The following LRPPRC variants were observed in gnomAD, a reference collection of about 807,000 sequenced individuals.
LRPPRC encodes the protein leucine rich pentatricopeptide repeat containing, also known as leucine-rich PPR motif-containing protein, mitochondrial.
A neutral mutation model predicts 180.3 loss-of-function variants in LRPPRC; 120 were observed. The observed-to-expected ratio is 0.67, with a 90% CI of 0.57 to 0.77. The LOEUF (loss-of-function observed/expected upper bound fraction) is 0.77, where lower values mean the gene tolerates loss of function less well. Among genes scored for constraint, LRPPRC ranks in the 30% least tolerant of loss-of-function variants. The pLI is 0.00. For synonymous variants in LRPPRC, 723 were observed against 600.0 expected, an observed-to-expected ratio of 1.21 and a Z score of -3.00; for missense variants, 2,012 against 1,657.2, an observed-to-expected ratio of 1.21 and a Z score of -3.72.
chr2:43,919,519 T>C (rs1671621590), intron 27 of LRPPRC, among the ~76,000 whole-genome samples: 1 of 152,204 alleles, frequency 6.6e-6, no homozygotes, highest in Non-Finnish European at 1.5e-5. Flanking sequence ...CTGATAATGT[T>C]ATCAGACTAT....
chr2:43,949,552 A>C (rs1453485712), intron 16 of LRPPRC, 50 bp downstream of exon 16: 1 of 1,436,140 alleles, frequency 7.0e-7, no homozygotes. Flanking sequence ...ATCATTACAC[A>C]GAAAAATGGA....
intron 27 of LRPPRC, among the ~76,000 whole-genome samples, chr2:43,919,316 G>T (rs894651242): frequency 6.6e-6 from 1 of 152,116 alleles, no homozygotes; most frequent in African/African-American, 2.4e-5. Flanking sequence ...AAAGGTTGGG[G>T]GCTGCTGCCG....
At chr2:43,970,011 T>A (rs1486437327) in intron 11 of LRPPRC, among the ~76,000 whole-genome samples, 1 of 152,036 alleles carries the variant, frequency 6.6e-6, no homozygotes, top group Non-Finnish European at 1.5e-5. Flanking sequence ...ATAACTTAAT[T>A]TTTTTCAGCT....
Position 43,905,739 on chromosome 2 carries a change from G to A in LRPPRC, c.3317C>T (p.Ala1106Val). The A allele has an allele frequency of 1.2e-6, 2 of 1,613,992 alleles. No homozygotes were observed. The highest frequency in any genetic ancestry group is 1.7e-6 in the Non-Finnish European group (2 of 1,179,854). The change falls in exon 31 of 38, where the codon GCC (alanine) becomes GTC (valine). Residue 1106 changes from alanine to valine, a missense_variant. Physicochemically the swap from Ala to Val is moderately conservative, Grantham distance 64. Coordinates refer to ENST00000260665, the MANE Select transcript of LRPPRC (RefSeq NM_133259.4). ...TTGCGTTATGATGAGGCGGCTGTTGGCAGCATCGTTCAGTGTGAAGCCCTT... is the reference window on the plus strand; with the variant it reads ...TTGCGTTATGATGAGGCGGCTGTTGACAGCATCGTTCAGTGTGAAGCCCTT... ...HIKGFTLNDA[A>V]NSRLIITQVR...
At chr2:43,888,876 G>A (rs576973732) in intron 37 of LRPPRC, among the ~76,000 whole-genome samples, 5 of 151,650 alleles carry the variant, frequency 3.3e-5, no homozygotes, top group African/African-American at 9.6e-5. Flanking sequence ...TAGGGTGCGT[G>A]TGTGTATACG....
At chr2:43,923,987 C>T (rs1159535182) in intron 27 of LRPPRC, among the ~76,000 whole-genome samples, 2 of 152,066 alleles carry the variant, frequency 1.3e-5, no homozygotes, top group African/African-American at 4.8e-5. Context: ...ATTTGATCAT[C>T]GTTCAAGCCA....
intron 15 of LRPPRC, 70 bp downstream of exon 15, chr2:43,950,503 T>C: frequency 7.5e-7 from 1 of 1,329,928 alleles, no homozygotes; most frequent in African/African-American, 1.5e-5. Context: ...ATAAAAATTA[T>C]TACATAACCT....
intron 22 of LRPPRC, 100 bp downstream of exon 22, chr2:43,945,232 A>T: frequency 1.2e-6 from 1 of 842,152 alleles, no homozygotes; most frequent in Non-Finnish European, 2.0e-6. Flanking sequence ...CAAAGTGTTC[A>T]AGCACTTTGC....
intron 32 of LRPPRC, among the ~76,000 whole-genome samples, chr2:43,900,959 T>C (rs1262147159): frequency 6.6e-5 from 10 of 152,164 alleles, no homozygotes; most frequent in Non-Finnish European, 1.5e-4. Context: ...GGCCTTCTGC[T>C]TCACAATATT....
At chr2:43,890,168 T>G in intron 36 of LRPPRC, 1 of 439,106 alleles carries the variant, frequency 2.3e-6, no homozygotes, top group South Asian at 2.1e-5. Flanking sequence ...ATTTAAGACC[T>G]ATGATAGTTC....
At chr2:43,985,055 C>T (rs1448244245) in intron 1 of LRPPRC, among the ~76,000 whole-genome samples, 1 of 148,968 alleles carries the variant, frequency 6.7e-6, no homozygotes, top group Non-Finnish European at 1.5e-5. Flanking sequence ...GTTGAATGTC[C>T]ATTAAAAAAA....
chr2:43,931,367 AGAAG>A (rs1672081771), intron 25 of LRPPRC, among the ~76,000 whole-genome samples: 1 of 152,212 alleles, frequency 6.6e-6, no homozygotes, highest in Non-Finnish European at 1.5e-5. Context: ...AATGGCATAG[AGAAG>A]GAAGGGAATC....
Position 43,889,723 on chromosome 2 carries a change from G to T in LRPPRC, c.4128+11C>A. The T allele has an allele frequency of 6.2e-7, 1 of 1,605,576 alleles. No individual in the cohort carries two copies. Among genetic ancestry groups the T allele is most frequent in the South Asian group, 1.1e-5 (1 of 90,870 alleles). On this transcript the variant is annotated intron_variant, in intron 37 of 37. Transcript: ENST00000260665. Reference sequence around the variant, plus strand: ...AGAGGTATTTTTTCCCCTTAATTAAGAAATACTCACAGGGGGTTCAATGAA... The same window carrying T: ...AGAGGTATTTTTTCCCCTTAATTAATAAATACTCACAGGGGGTTCAATGAA...
At position 43,912,478 on chromosome 2, in the gene LRPPRC, G is replaced by A. The variant is rs1320758382; in HGVS notation, c.3229C>T (p.Leu1077=). The A allele has an allele frequency of 6.2e-7, 1 of 1,601,422 alleles. No homozygotes were observed. The highest frequency in any genetic ancestry group is 8.6e-7 in the Non-Finnish European group (1 of 1,168,666). The change falls in exon 30 of 38, where the codon CTG becomes TTG. Residue 1077 remains leucine (L), a synonymous_variant. Coordinates refer to ENST00000260665, the MANE Select transcript of LRPPRC (RefSeq NM_133259.4). ...AETYSNLIKL[L]MSEDYFTQAM... The stretch of plus-strand genomic sequence containing the variant: ...TGTGTAAAATAATCTTCTGACATCA[G>A]TAATTTAATGAGATTGCTGTAGGTT...
At chr2:43,896,599 G>A in intron 35 of LRPPRC, 35 bp downstream of exon 35, 1 of 1,270,168 alleles carries the variant, frequency 7.9e-7, no homozygotes, top group Non-Finnish European at 1.2e-6. Flanking sequence ...GGCACGTACA[G>A]TATCATTGAT....
intron 23 of LRPPRC, 118 bp downstream of exon 23, chr2:43,943,569 G>A: frequency 1.2e-6 from 1 of 817,412 alleles, no homozygotes; most frequent in Non-Finnish European, 2.1e-6. Flanking sequence ...CTCTTACTCT[G>A]TGGTAAATGA....
In LRPPRC at chr2:43,995,927, G is replaced by C; in HGVS notation, c.21C>G (p.Ser7=). 1.3e-6 allele frequency: 2 copies of C among 1,519,158 alleles called. No individual in the cohort carries two copies. The highest frequency in any genetic ancestry group is 1.8e-6 in the Non-Finnish European group (2 of 1,140,664). The allele number at this position is 1,519,158 out of a possible 1,614,324, so 94.1% of individuals were successfully genotyped here. The change falls in exon 1 of 38, where the codon TCC becomes TCG. Residue 7 remains serine, a synonymous_variant. Transcript: ENST00000260665. ...CCCCGGCACGCAGCAACCAACGCGC[G>C]GATCTCAGCAGGGCTGCCATTGCTC... MAALLR[S]ARWLLRAGAA...
At chr2:43,910,647 C>T (rs908557520) in intron 30 of LRPPRC, among the ~76,000 whole-genome samples, 4 of 152,096 alleles carry the variant, frequency 2.6e-5, no homozygotes, top group Admixed American at 1.3e-4. Flanking sequence ...CACATGCGAT[C>T]AGAATGCTTA....
intron 2 of LRPPRC, 103 bp from the exon 3 acceptor site, chr2:43,980,051 G>A: frequency 3.6e-6 from 4 of 1,126,152 alleles, no homozygotes; most frequent in African/African-American, 3.1e-5. Context: ...AAAATCTTCT[G>A]GCTCAAACTG....
Sources: allele counts gnomAD v4.1 joint callset (sites outside exome capture counted in the v4.1 genomes callset), GRCh38; gene constraint gnomAD v4.1.1; transcripts MANE v1.5; gene names NCBI Gene and HGNC (gene_info 2026-07-23, HGNC 2026-07-21).